Variants in FSIP1 observed in about 807,000 individuals in gnomAD.
FSIP1 encodes the protein fibrous sheath-interacting protein 1.
FSIP1 carries 65 observed loss-of-function variants against 60.9 expected under a neutral mutation model. The ratio of observed to expected loss-of-function variants is 1.07; its 90% confidence interval spans 0.87 to 1.31. The LOEUF (loss-of-function observed/expected upper bound fraction) is 1.31. Ranked by LOEUF, FSIP1 falls within the 40% of genes most tolerant of loss-of-function variation. The pLI is 0.00. For missense variants in FSIP1, 675 were observed against 665.5 expected (o/e 1.01, Z -0.16); for synonymous variants, 209 against 221.2 (o/e 0.94, Z 0.49).
intron 10 of FSIP1, among the ~76,000 whole-genome samples, chr15:39,690,999 C>G (rs1021478575): frequency 6.6e-6 from 1 of 152,164 alleles, no homozygotes; most frequent in African/African-American, 2.4e-5. Flanking sequence ...TCGAGTAAAA[C>G]TGAGCCAAAA....
rs1595410172 is a variant in FSIP1 at position 39,776,602 on chromosome 15, T to G, written c.-7-71A>C. 1.5e-5 allele frequency: 20 copies of G among 1,324,238 alleles called. No homozygotes were observed. In the South Asian group the frequency reaches 2.4e-4, roughly 16 times the overall value. The allele number at this position is 1,324,238 out of a possible 1,614,324, so 82.0% of individuals were successfully genotyped here. On this transcript the variant is annotated intron_variant, in intron 1 of 11. Transcript: ENST00000350221. ...TAAATCTTTCATTAGTTAGTATTAATATCCAATTACTCAGAGGCTTTGTTT... is the reference window on the plus strand; with the variant it reads ...TAAATCTTTCATTAGTTAGTATTAAGATCCAATTACTCAGAGGCTTTGTTT...
chr15:39,760,517 T>A (rs1266070244), intron 5 of FSIP1, among the ~76,000 whole-genome samples: 1 of 152,154 alleles, frequency 6.6e-6, no homozygotes, highest in Non-Finnish European at 1.5e-5. Flanking sequence ...ACTTCCAGAG[T>A]ATGCTTGCCA....
chr15:39,674,059 T>TC (rs200767541), intron 10 of FSIP1, among the ~76,000 whole-genome samples: 1,657 of 151,974 alleles, frequency 0.011, 39 homozygotes, highest in African/African-American at 0.037. Context: ...GATTTAATTT[T>TC]TTTTTTTTTT....
At chr15:39,763,652 G>A in intron 5 of FSIP1, among the ~76,000 whole-genome samples, 169 bp downstream of exon 5, 1 of 152,152 alleles carries the variant, frequency 6.6e-6, no homozygotes, top group East Asian at 1.9e-4. Flanking sequence ...ACATACCTAA[G>A]CTCGGAGTAG....
At chr15:39,711,608 A>G (rs1339047381) in intron 10 of FSIP1, among the ~76,000 whole-genome samples, 1 of 151,460 alleles carries the variant, frequency 6.6e-6, no homozygotes, top group Non-Finnish European at 1.5e-5. Context: ...TCGAATTCAC[A>G]ATGTACTATC....
chr15:39,748,035 C>A lies in FSIP1; in HGVS notation c.560-6135G>T, dbSNP rs75298768. ...ATCCTTCACTGCCTTGATTCTCCTG[C>A]AGTCTTAATTATGCTCATTACTCCA... On this transcript the variant is annotated intron_variant, in intron 5 of 11. Transcript: ENST00000350221. 9.5e-3 allele frequency among the ~76,000 whole-genome samples: 1,452 copies of A among 152,244 alleles called. 12 individuals carry two copies. The highest frequency in any genetic ancestry group is 0.028 in the African/African-American group (1,173 of 41,566).
At chr15:39,778,660 A>G (rs546569338) in intron 1 of FSIP1, among the ~76,000 whole-genome samples, 48 of 152,316 alleles carry the variant, frequency 3.2e-4, no homozygotes, top group Middle Eastern at 3.4e-3. Flanking sequence ...GTAAGCATTG[A>G]ATGTTGATTT....
Position 39,644,773 on chromosome 15 carries a change from G to A in FSIP1, c.1189-26528C>T, listed in dbSNP as rs1349001111. Among the ~76,000 whole-genome samples, 6 of 152,078 alleles carry A rather than the reference G, an allele frequency of 3.9e-5. No individual in the cohort carries two copies. In the East Asian group the frequency reaches 1.2e-3, roughly 29 times the overall value. On this transcript the variant is annotated intron_variant, in intron 10 of 11. Transcript: ENST00000350221. Reference sequence around the variant, plus strand: ...TGAATTTGTAACTAAAGGTAAACCTGTTTTATAGCTGGCATCTCATTGTTC... The same window carrying A: ...TGAATTTGTAACTAAAGGTAAACCTATTTTATAGCTGGCATCTCATTGTTC...
intron 10 of FSIP1, among the ~76,000 whole-genome samples, chr15:39,664,191 T>G (rs369767297): frequency 1.6e-4 from 24 of 152,182 alleles, no homozygotes; most frequent in East Asian, 1.3e-3. Context: ...TCACCTAAGG[T>G]AATTTATTCT....
intron 10 of FSIP1, among the ~76,000 whole-genome samples, chr15:39,659,626 T>TAAAAAA (rs150262830): frequency 5.2e-5 from 7 of 133,762 alleles, no homozygotes; most frequent in Non-Finnish European, 7.9e-5. Flanking sequence ...AGCTGTTATT[T>TAAAAAA]TAAAAAAAAA....
chr15:39,727,192 C>T (rs1896233418), intron 8 of FSIP1, among the ~76,000 whole-genome samples: 1 of 152,206 alleles, frequency 6.6e-6, no homozygotes, highest in African/African-American at 2.4e-5. Context: ...CTTAATTGAT[C>T]ATCTTTCATT....
chr15:39,687,857 C>T (rs1251347843), intron 10 of FSIP1, among the ~76,000 whole-genome samples: 1 of 152,194 alleles, frequency 6.6e-6, no homozygotes, highest in African/African-American at 2.4e-5. Flanking sequence ...AGTTCAAGAA[C>T]ACATTTTTAT....
intron 10 of FSIP1, among the ~76,000 whole-genome samples, chr15:39,653,798 G>A (rs891706839): frequency 6.6e-6 from 1 of 152,208 alleles, no homozygotes; most frequent in Non-Finnish European, 1.5e-5. Context: ...CTTCTGCCAT[G>A]ACTGTGAGGC....
intron 10 of FSIP1, among the ~76,000 whole-genome samples, chr15:39,678,595 T>C (rs977973610): frequency 6.6e-6 from 1 of 152,220 alleles, no homozygotes; most frequent in East Asian, 1.9e-4. Context: ...TAAAATAATA[T>C]ACACTAGAAA....
At chr15:39,646,574 A>T (rs1892622847) in intron 10 of FSIP1, among the ~76,000 whole-genome samples, 1 of 143,394 alleles carries the variant, frequency 7.0e-6, no homozygotes, top group Non-Finnish European at 1.5e-5. Context: ...GTGTGCCTGT[A>T]GTCCCAGCTA....
intron 11 of FSIP1, among the ~76,000 whole-genome samples, chr15:39,614,115 T>C (rs1345460438): frequency 6.6e-6 from 1 of 151,996 alleles, no homozygotes; most frequent in Non-Finnish European, 1.5e-5. Context: ...GGCATCCTAA[T>C]AGGAAATGAA....
intron 10 of FSIP1, among the ~76,000 whole-genome samples, chr15:39,628,757 GCT>G (rs1272029728): frequency 1.3e-5 from 2 of 152,076 alleles, no homozygotes; most frequent in Admixed American, 6.5e-5. Flanking sequence ...TTAGATTCCG[GCT>G]CTCTCATTCC....
rs527687818 is a variant in FSIP1, at chr15:39,640,557, A to T, written c.1189-22312T>A. Among the ~76,000 whole-genome samples, 5 of 152,200 alleles carry T rather than the reference A, an allele frequency of 3.3e-5. No homozygotes were observed. In the South Asian group the frequency reaches 1.0e-3, roughly 32 times the overall value. Reference sequence around the variant, plus strand: ...TGCCCCGGGTCGCAGCGGAAAGAAAACTTCTTTTGTTCCACAGAGTTCTGG... The same window carrying T: ...TGCCCCGGGTCGCAGCGGAAAGAAATCTTCTTTTGTTCCACAGAGTTCTGG... On this transcript the variant is annotated intron_variant, in intron 10 of 11. Transcript: ENST00000350221.
chr15:39,627,994 C>A (rs1381466888), intron 10 of FSIP1, among the ~76,000 whole-genome samples: 1 of 152,220 alleles, frequency 6.6e-6, no homozygotes, highest in African/African-American at 2.4e-5. Context: ...CCAGCCTCTG[C>A]AGACTGTCAA....
Sources: allele counts gnomAD v4.1 joint callset (sites outside exome capture counted in the v4.1 genomes callset), GRCh38; gene constraint gnomAD v4.1.1; transcripts MANE v1.5; gene names NCBI Gene and HGNC (gene_info 2026-07-23, HGNC 2026-07-21).